The following PPP3CA variants were observed in gnomAD, a reference collection of about 807,000 sequenced individuals.
The protein encoded by PPP3CA is protein phosphatase 3 catalytic subunit alpha.
A neutral mutation model predicts 66.5 loss-of-function variants in PPP3CA; 14 were observed. That is an observed-to-expected ratio of 0.21 (90% CI 0.14 to 0.33). PPP3CA has a LOEUF of 0.33. Ranked by LOEUF, PPP3CA falls within the 10% of genes least tolerant of loss-of-function variation. The pLI is 1.00. For missense variants in PPP3CA, 317 were observed against 639.5 expected (o/e 0.50, Z 5.44); for synonymous variants, 232 against 226.2 (o/e 1.03, Z -0.23).
chr4:101,097,843 C>A (rs1250904263), intron 5 of PPP3CA, among the ~76,000 whole-genome samples: 1 of 152,130 alleles, frequency 6.6e-6, no homozygotes, highest in Admixed American at 6.5e-5. Flanking sequence ...AAACTTCTTA[C>A]AAATACTTCT....
intron 11 of PPP3CA, among the ~76,000 whole-genome samples, chr4:101,034,101 AGG>A (rs1727135706): frequency 6.6e-6 from 1 of 152,074 alleles, no homozygotes; most frequent in African/African-American, 2.4e-5. Flanking sequence ...GATGGGTGAA[AGG>A]GAGGTTTCAC....
chr4:101,109,674 A>AAAAAT (rs1721606123), intron 2 of PPP3CA, among the ~76,000 whole-genome samples: 1 of 145,248 alleles, frequency 6.9e-6, no homozygotes, highest in African/African-American at 2.6e-5. Context: ...AAAAAAAAAA[A>AAAAAT]CTCCAATTAA....
chr4:101,222,754 A>G (rs150352334), intron 1 of PPP3CA, among the ~76,000 whole-genome samples: 2 of 151,876 alleles, frequency 1.3e-5, no homozygotes, highest in East Asian at 3.9e-4. Context: ...CAATAAATAC[A>G]AATATGAACG....
intron 11 of PPP3CA, among the ~76,000 whole-genome samples, chr4:101,037,972 T>G (rs141622784): frequency 2.0e-4 from 31 of 152,362 alleles, no homozygotes; most frequent in African/African-American, 7.2e-4. Flanking sequence ...TCATTAGTGT[T>G]GCTCCCCAAC....
intron 5 of PPP3CA, among the ~76,000 whole-genome samples, chr4:101,095,770 G>C (rs1343037053): frequency 1.3e-5 from 2 of 152,124 alleles, no homozygotes; most frequent in African/African-American, 4.8e-5. Context: ...TCCTGCCTCA[G>C]ACTCCTGAGT....
At chr4:101,317,398 G>T (rs564013726) in intron 1 of PPP3CA, among the ~76,000 whole-genome samples, 1 of 152,072 alleles carries the variant, frequency 6.6e-6, no homozygotes, top group South Asian at 2.1e-4. Context: ...TTACATACTT[G>T]TAAAAATAAA....
intron 1 of PPP3CA, among the ~76,000 whole-genome samples, chr4:101,218,468 G>C (rs1206083479): frequency 6.7e-6 from 1 of 150,172 alleles, no homozygotes; most frequent in Non-Finnish European, 1.5e-5. Context: ...TGCCCTTACT[G>C]TGGATTTTTT....
At chr4:101,045,970 T>A (rs559204900) in intron 10 of PPP3CA, among the ~76,000 whole-genome samples, 243 of 152,340 alleles carry the variant, frequency 1.6e-3, no homozygotes, top group Non-Finnish European at 2.6e-3. Flanking sequence ...TGTCAAAAAA[T>A]GAAACTATAC....
chr4:101,313,589 C>T (rs1340170740), intron 1 of PPP3CA, among the ~76,000 whole-genome samples: 2 of 152,184 alleles, frequency 1.3e-5, no homozygotes, highest in Middle Eastern at 3.4e-3. Context: ...TCCTAACTAG[C>T]CTCTTTGGCA....
At chr4:101,071,438 G>C (rs1728913368) in intron 8 of PPP3CA, among the ~76,000 whole-genome samples, 1 of 152,178 alleles carries the variant, frequency 6.6e-6, no homozygotes, top group Admixed American at 6.5e-5. Context: ...ATAATGAATA[G>C]CAAGTGACAA....
chr4:101,061,822 A>C (rs575665585), intron 9 of PPP3CA, among the ~76,000 whole-genome samples: 4 of 152,070 alleles, frequency 2.6e-5, no homozygotes, highest in African/African-American at 4.8e-5. Context: ...GTACTGCATT[A>C]TTTTTATACT....
intron 1 of PPP3CA, among the ~76,000 whole-genome samples, chr4:101,291,840 A>T (rs1022800285): frequency 3.4e-4 from 52 of 152,078 alleles, no homozygotes; most frequent in African/African-American, 1.2e-3. Flanking sequence ...GTCCTATAAC[A>T]CACATGGGCC....
chr4:101,247,463 G>A (rs78824621), intron 1 of PPP3CA, among the ~76,000 whole-genome samples: 9,712 of 151,982 alleles, frequency 0.064, 844 homozygotes, highest in African/African-American at 0.2. Context: ...CTTAATATAT[G>A]TCTACTTCTT....
In PPP3CA at chr4:101,025,170, G is replaced by C. The variant is rs1397243035; in HGVS notation, c.*695C>G. On this transcript the variant is annotated 3_prime_UTR_variant, in exon 14 of 14. Coordinates refer to ENST00000394854, the MANE Select transcript of PPP3CA (RefSeq NM_000944.5). ...AGATATTCCATTGCCGAATTAAGAA[G>C]AAGATAAGTGTTATATGGAAAGAAG... 1 of 152,202 alleles carries C rather than the reference G, an allele frequency of 6.6e-6. No individual in the cohort carries two copies. The highest frequency in any genetic ancestry group is 1.5e-5 in the Non-Finnish European group (1 of 67,944). 9.4% of individuals were successfully genotyped at this position (152,202 alleles called of 1,614,324 possible).
Position 101,118,956 on chromosome 4 carries a change from ATTT to A in PPP3CA, c.260-9881_260-9879del, listed in dbSNP as rs201507463. 2.1e-3 allele frequency among the ~76,000 whole-genome samples: 267 copies of A among 129,898 alleles called. 2 individuals carry two copies. Among genetic ancestry groups the A allele is most frequent in the African/African-American group, 6.3e-3 (212 of 33,790 alleles). The allele number at this position is 129,898 out of a possible 152,430, so 85.2% of individuals were successfully genotyped here. On this transcript the variant is annotated intron_variant, in intron 2 of 13. Transcript: ENST00000394854. The stretch of plus-strand genomic sequence containing the variant: ...CTATAAGGAGACTCAGAACTTACAG[ATTT>A]TTTTTTTTTTTTTTTTTTTTAAACA...
At position 101,025,708 on chromosome 4, in the gene PPP3CA, A is replaced by G. The variant is rs763937004; in HGVS notation, c.*157T>C. ...TTTATTATCTCTCTCCCTCTTTTTT[A>G]ATGATAGTGTAAACTGAATCCAATT... On this transcript the variant is annotated 3_prime_UTR_variant, in exon 14 of 14. Coordinates refer to ENST00000394854, the MANE Select transcript of PPP3CA (RefSeq NM_000944.5). 2 of 535,218 alleles carry G rather than the reference A, an allele frequency of 3.7e-6. No individual in the cohort carries two copies. The highest frequency in any genetic ancestry group is 6.3e-6 in the Non-Finnish European group (2 of 319,064). 33.2% of individuals were successfully genotyped at this position (535,218 alleles called of 1,614,324 possible).
At chr4:101,126,493 T>C (rs1722249780) in intron 2 of PPP3CA, among the ~76,000 whole-genome samples, 1 of 152,206 alleles carries the variant, frequency 6.6e-6, no homozygotes, top group Non-Finnish European at 1.5e-5. Context: ...TGAATTTCCT[T>C]AATATTTCAG....
At chr4:101,300,524 G>A (rs1728341121) in intron 1 of PPP3CA, among the ~76,000 whole-genome samples, 1 of 152,152 alleles carries the variant, frequency 6.6e-6, no homozygotes, top group Non-Finnish European at 1.5e-5. Context: ...GCCAGGTGTG[G>A]TGGTTCATGC....
intron 1 of PPP3CA, among the ~76,000 whole-genome samples, chr4:101,217,650 G>A (rs999256280): frequency 2.0e-5 from 3 of 152,050 alleles, no homozygotes; most frequent in South Asian, 2.1e-4. Flanking sequence ...TCTTCAAATC[G>A]CTTTGCGTTT....
Sources: allele counts gnomAD v4.1 joint callset (sites outside exome capture counted in the v4.1 genomes callset), GRCh38; gene constraint gnomAD v4.1.1; transcripts MANE v1.5; gene names NCBI Gene and HGNC (gene_info 2026-07-23, HGNC 2026-07-21).